Variants in ICA1L observed in about 807,000 individuals in gnomAD.
ICA1L encodes islet cell autoantigen 1-like protein.
A neutral mutation model predicts 61.3 loss-of-function variants in ICA1L; 50 were observed. That is an observed-to-expected ratio of 0.82 (90% CI 0.65 to 1.03). ICA1L has a LOEUF of 1.03. Among genes scored for constraint, ICA1L ranks in the 50% least tolerant of loss-of-function variants. ICA1L has a pLI of 0.00. For missense variants in ICA1L, 508 were observed against 556.7 expected, an observed-to-expected ratio of 0.91 and a Z score of 0.88; for synonymous variants, 161 against 191.3, an observed-to-expected ratio of 0.84 and a Z score of 1.31.
chr2:202,850,343 G>C lies in ICA1L; in HGVS notation c.-8+21276C>G, dbSNP rs532863668. ...GGTGGATAGTAACAAACTCCTCTAA[G>C]CTAAAGGAGCATGTTCTAACCCAAT... is the stretch of plus-strand genomic sequence containing the variant. On this transcript the variant is annotated intron_variant, in intron 1 of 12. Coordinates refer to ENST00000358299, the MANE Select transcript of ICA1L (RefSeq NM_001288622.3). Among the ~76,000 whole-genome samples, 4 of 152,244 alleles carry C rather than the reference G, an allele frequency of 2.6e-5. No homozygotes were observed. The South Asian group carries it at 6.2e-4, about 24-fold the overall frequency.
At chr2:202,869,053 CAATTTTTAAAAT>C (rs1054475526) in intron 1 of ICA1L, among the ~76,000 whole-genome samples, 1 of 151,032 alleles carries the variant, frequency 6.6e-6, no homozygotes, top group Non-Finnish European at 1.5e-5. Context: ...CAATCCAAAT[CAATTTTTAAAAT>C]AATACTGAGT....
chr2:202,800,556 T>A (rs1693062383), intron 9 of ICA1L, among the ~76,000 whole-genome samples: 1 of 152,158 alleles, frequency 6.6e-6, no homozygotes, highest in Non-Finnish European at 1.5e-5. Flanking sequence ...ATGTCATTGG[T>A]TTACTCAGTA....
At chr2:202,836,888 C>T (rs1040030361) in intron 1 of ICA1L, among the ~76,000 whole-genome samples, 1 of 140,882 alleles carries the variant, frequency 7.1e-6, no homozygotes, top group African/African-American at 2.6e-5. Context: ...GATGCCCAGG[C>T]TGGAGTGCAG....
chr2:202,821,261 A>C, intron 4 of ICA1L, 97 bp downstream of exon 4: 1 of 1,189,004 alleles, frequency 8.4e-7, no homozygotes, highest in Non-Finnish European at 1.2e-6. Context: ...CCTTTATTAG[A>C]ATGAACAGTG....
intron 2 of ICA1L, among the ~76,000 whole-genome samples, chr2:202,826,364 G>A (rs576531183): frequency 1.2e-4 from 18 of 152,170 alleles, no homozygotes; most frequent in African/African-American, 4.3e-4. Flanking sequence ...AATTAAGCAC[G>A]TGAAAATTTG....
intron 12 of ICA1L, among the ~76,000 whole-genome samples, chr2:202,783,428 AT>A (rs1215050601): frequency 8.5e-5 from 13 of 152,316 alleles, no homozygotes; most frequent in African/African-American, 3.1e-4. Context: ...CCCTGATAGG[AT>A]TTACTAAGGC....
At chr2:202,831,151 G>A (rs545002838) in intron 1 of ICA1L, among the ~76,000 whole-genome samples, 34 of 152,280 alleles carry the variant, frequency 2.2e-4, no homozygotes, top group Non-Finnish European at 3.8e-4. Context: ...ATAGCCTCTA[G>A]ATTATTATCC....
At chr2:202,840,839 C>G in intron 1 of ICA1L, 1 of 622,252 alleles carries the variant, frequency 1.6e-6, no homozygotes, top group Non-Finnish European at 3.1e-6. Context: ...CTGGAGCTGG[C>G]TGACGTTCTG....
intron 4 of ICA1L, among the ~76,000 whole-genome samples, chr2:202,820,929 G>T (rs999183124): frequency 1.3e-5 from 2 of 152,092 alleles, no homozygotes; most frequent in Non-Finnish European, 2.9e-5. Context: ...ATAATAACTG[G>T]AAAGTATGTA....
intron 1 of ICA1L, chr2:202,844,393 A>C (rs1694412757): frequency 6.6e-6 from 1 of 152,228 alleles, no homozygotes; most frequent in Non-Finnish European, 1.5e-5. Flanking sequence ...CTATAAAAAA[A>C]GAAAATTAAA....
At chr2:202,829,065 T>G in intron 1 of ICA1L, 49 bp from the exon 2 acceptor site, 1 of 1,469,692 alleles carries the variant, frequency 6.8e-7, no homozygotes, top group Non-Finnish European at 9.1e-7. Context: ...TTCTCAATAA[T>G]AGGCTGGGCA....
At chr2:202,797,983 CTA>C (rs1266744730) in intron 9 of ICA1L, among the ~76,000 whole-genome samples, 2 of 152,172 alleles carry the variant, frequency 1.3e-5, no homozygotes, top group African/African-American at 2.4e-5. Flanking sequence ...CTCTCTACTT[CTA>C]TGAGTTCAAC....
At chr2:202,869,646 C>T (rs995902390) in intron 1 of ICA1L, 1 of 151,810 alleles carries the variant, frequency 6.6e-6, no homozygotes, top group Non-Finnish European at 1.5e-5. Context: ...TTGTTAATGT[C>T]GGCCTCTGTA....
At chr2:202,870,176 A>T (rs1687655791) in intron 1 of ICA1L, among the ~76,000 whole-genome samples, 1 of 152,202 alleles carries the variant, frequency 6.6e-6, no homozygotes. Context: ...AAGACAGTAT[A>T]TTATCTATTT....
At chr2:202,787,347 G>A (rs773089675) in intron 11 of ICA1L, among the ~76,000 whole-genome samples, 2 of 152,190 alleles carry the variant, frequency 1.3e-5, no homozygotes, top group Non-Finnish European at 2.9e-5. Context: ...TGCTAGAAAC[G>A]TGGCAAGTTA....
At position 202,781,576 on chromosome 2, in the gene ICA1L, A is replaced by G. The variant is rs1418472156; in HGVS notation, c.1334-1928T>C. On this transcript the variant is annotated intron_variant, in intron 12 of 12. Transcript: ENST00000358299. ...GTGACAGAGTGTGACCCTGTCTCAA[A>G]AAAAAAAAAAAAAAGACTCCTCCTC... Among the ~76,000 whole-genome samples the G allele has an allele frequency of 2.7e-5, 4 of 149,718 alleles. No homozygotes were observed. In the East Asian group the frequency reaches 7.8e-4, roughly 29 times the overall value.
intron 1 of ICA1L, among the ~76,000 whole-genome samples, chr2:202,859,382 C>T (rs1384065365): frequency 6.6e-6 from 1 of 152,098 alleles, no homozygotes; most frequent in Admixed American, 6.6e-5. Context: ...CACAGAGATA[C>T]TATAACTCAT....
rs559242608 is a variant in ICA1L at position 202,785,220 on chromosome 2, TAA to T, written c.1333+696_1333+697del. Among the ~76,000 whole-genome samples the T allele has an allele frequency of 3.8e-3, 456 of 120,178 alleles. 1 individual carries two copies. The highest frequency in any genetic ancestry group is 0.012 in the African/African-American group (402 of 32,648). The allele number at this position is 120,178 out of a possible 152,430, so 78.8% of individuals were successfully genotyped here. A position where few individuals can be genotyped will look rare whatever the true frequency, so the allele number is the denominator to read the frequency against. On this transcript the variant is annotated intron_variant, in intron 12 of 12. Transcript: ENST00000358299. ...GGTGACAGCGAGACTCTGTCTCAAT[TAA>T]AAAAAAAAAAAAAAAGAAAAGAAAA...
chr2:202,797,132 T>TTGTGTGTGTGTGTGTGTGTG lies in ICA1L; in HGVS notation c.911-188_911-169dup, dbSNP rs58006631. Among the ~76,000 whole-genome samples, 275 of 147,820 alleles carry TTGTGTGTGTGTGTGTGTGTG rather than the reference T, an allele frequency of 1.9e-3. 2 individuals are homozygous for TTGTGTGTGTGTGTGTGTGTG. Among genetic ancestry groups the TTGTGTGTGTGTGTGTGTGTG allele is most frequent in the Middle Eastern group, 3.4e-3 (1 of 292 alleles). ...ATAATCTTATATATAAAAATCACATTTGTGTGTGTGTGTGTGTGTGTGTGT... is the reference window on the plus strand; with the variant it reads ...ATAATCTTATATATAAAAATCACATTTGTGTGTGTGTGTGTGTGTGTGTGTGTGTGTGTGTGTGTGTGTGT... On this transcript the variant is annotated intron_variant, in intron 9 of 12. Coordinates refer to ENST00000358299, the MANE Select transcript of ICA1L (RefSeq NM_001288622.3).
Sources: allele counts gnomAD v4.1 joint callset (sites outside exome capture counted in the v4.1 genomes callset), GRCh38; gene constraint gnomAD v4.1.1; transcripts MANE v1.5; gene names NCBI Gene and HGNC (gene_info 2026-07-23, HGNC 2026-07-21).